The following ASNS variants were observed in gnomAD, a reference collection of about 807,000 sequenced individuals.
ASNS encodes the protein asparagine synthetase [glutamine-hydrolyzing].
Under a neutral mutation model 62.6 loss-of-function variants are expected in ASNS, and 37 were observed. That is an observed-to-expected ratio of 0.59 (90% CI 0.45 to 0.78). ASNS has a LOEUF of 0.78. Ranked by LOEUF, ASNS falls within the 30% of genes least tolerant of loss-of-function variation. The probability of loss-of-function intolerance (pLI) is 0.00; values close to 1 mark genes in which losing one functional copy is unlikely to be tolerated. For missense variants in ASNS, 520 were observed against 682.4 expected, an observed-to-expected ratio of 0.76 and a Z score of 2.65; for synonymous variants, 207 against 237.9, an observed-to-expected ratio of 0.87 and a Z score of 1.19.
At chr7:97,892,932 G>A in the ASNS span, among the ~76,000 whole-genome samples, 1 of 152,142 alleles carries the variant, frequency 6.6e-6, no homozygotes, top group Non-Finnish European at 1.5e-5. Context: ...CACATATTCA[G>A]GTATCTTTTA....
the ASNS span, among the ~76,000 whole-genome samples, chr7:97,893,003 G>A: frequency 6.6e-6 from 1 of 152,226 alleles, no homozygotes; most frequent in Non-Finnish European, 1.5e-5. Context: ...AGCTGATAAA[G>A]ACACATTCAA....
the ASNS span, among the ~76,000 whole-genome samples, chr7:97,897,780 T>C: frequency 1.3e-5 from 2 of 152,188 alleles, no homozygotes; most frequent in African/African-American, 4.8e-5. Flanking sequence ...AAGATATCAG[T>C]GTATCAACGG....
At chr7:97,858,556 G>A (rs1791568621) in intron 6 of ASNS, 151 bp from the exon 7 acceptor site, 3 of 1,001,542 alleles carry the variant, frequency 3.0e-6, no homozygotes, top group East Asian at 2.6e-5. Context: ...TTCAACAAGA[G>A]AAAAATATAT....
chr7:97,854,035 T>A (rs1321794163), intron 10 of ASNS, among the ~76,000 whole-genome samples: 1 of 152,312 alleles, frequency 6.6e-6, no homozygotes, highest in African/African-American at 2.4e-5. Flanking sequence ...ACAGTAAAAG[T>A]CTTCAGTTCT....
At chr7:97,882,196 A>G in the ASNS span, among the ~76,000 whole-genome samples, 1 of 152,144 alleles carries the variant, frequency 6.6e-6, no homozygotes, top group South Asian at 2.1e-4. Context: ...AGAAAATCCA[A>G]CCTTTTCCCA....
At chr7:97,870,679 G>A (rs1224337128) in intron 1 of ASNS, among the ~76,000 whole-genome samples, 3 of 152,176 alleles carry the variant, frequency 2.0e-5, no homozygotes, top group Non-Finnish European at 2.9e-5. Context: ...ATTTAAATGA[G>A]ATGACTACTA....
intron 1 of ASNS, 116 bp downstream of exon 1, chr7:97,872,235 G>C (rs7800135): frequency 0.1 from 15,347 of 152,032 alleles, 976 homozygotes; most frequent in African/African-American, 0.19. Flanking sequence ...AACCGCGTCT[G>C]CCGGGTGCCA....
At chr7:97,917,216 CAA>C in the ASNS span, among the ~76,000 whole-genome samples, 69,550 of 114,110 alleles carry the variant, frequency 0.61, 17,163 homozygotes, top group Admixed American at 0.69. Flanking sequence ...ATATTTGCAC[CAA>C]AAAAAAAAAA....
intron 6 of ASNS, 115 bp from the exon 7 acceptor site, chr7:97,858,520 G>A (rs756536266): frequency 4.6e-5 from 62 of 1,338,164 alleles, no homozygotes; most frequent in Middle Eastern, 2.0e-4. Flanking sequence ...TTTAAAATCC[G>A]CCAAGTTTTA....
chr7:97,875,133 G>C (rs1792411307), upstream of ASNS, among the ~76,000 whole-genome samples: 1 of 152,186 alleles, frequency 6.6e-6, no homozygotes, highest in Non-Finnish European at 1.5e-5. Flanking sequence ...AATCTCAGTG[G>C]CTCCATGCAG....
intron 3 of ASNS, among the ~76,000 whole-genome samples, chr7:97,865,017 G>A (rs1791898140): frequency 6.6e-6 from 1 of 152,084 alleles, no homozygotes; most frequent in Non-Finnish European, 1.5e-5. Flanking sequence ...AAATAATTTT[G>A]TGCATGAAAC....
chr7:97,910,094 G>A, the ASNS span, among the ~76,000 whole-genome samples: 1 of 152,252 alleles, frequency 6.6e-6, no homozygotes, highest in Admixed American at 6.5e-5. Context: ...TGAAGTTTCA[G>A]CAGAATAGCA....
In ASNS at chr7:97,852,292, C is replaced by A. The variant is rs1430382146; in HGVS notation, c.1653G>T (p.Thr551=). Residue 551 remains threonine, a synonymous_variant, in exon 13 of 13, where the codon ACG becomes ACT. Transcript: ENST00000394308. ...TGACAGCTGACTTGTAGTGGGTCAG[C>A]GTGCGGGCAGAAGGGTCAGTGGCAT... is the stretch of plus-strand genomic sequence containing the variant. ...WINATDPSAR[T]LTHYKSAVKA 1.2e-6 allele frequency: 2 copies of A among 1,614,110 alleles called. No individual in the cohort carries two copies. The highest frequency in any genetic ancestry group is 1.7e-6 in the Non-Finnish European group (2 of 1,180,022).
At position 97,860,993 on chromosome 7, in the gene ASNS, T is replaced by A. The variant is rs1791685972; in HGVS notation, c.488-1595A>T. ...TATAGTTTTAGCCCTTACATTTAAGTGGATTAGTTCAAAACTGATTCATTT... is the reference window on the plus strand; with the variant it reads ...TATAGTTTTAGCCCTTACATTTAAGAGGATTAGTTCAAAACTGATTCATTT... On this transcript the variant is annotated intron_variant, in intron 4 of 12. Transcript: ENST00000394308. Among the ~76,000 whole-genome samples, 3 of 151,570 alleles carry A rather than the reference T, an allele frequency of 2.0e-5. No individual in the cohort carries two copies. In the South Asian group the frequency reaches 6.2e-4, roughly 31 times the overall value.
chr7:97,890,503 T>C, the ASNS span, among the ~76,000 whole-genome samples: 3 of 152,042 alleles, frequency 2.0e-5, no homozygotes, highest in African/African-American at 7.2e-5. Context: ...CCTTACAGGC[T>C]AGGAGAAAAG....
At chr7:97,873,650 A>G (rs1562826801), upstream of ASNS, among the ~76,000 whole-genome samples, 1 of 152,206 alleles carries the variant, frequency 6.6e-6, no homozygotes, top group Non-Finnish European at 1.5e-5. Flanking sequence ...AGACTCAGAA[A>G]AGTTGAGGGA....
chr7:97,854,532 T>C (rs1791340878), intron 10 of ASNS, 48 bp downstream of exon 10: 5 of 1,587,520 alleles, frequency 3.1e-6, no homozygotes, highest in Middle Eastern at 2.1e-4. Context: ...TTGTTTTGTT[T>C]TTGGTGTTTT....
chr7:97,904,951 G>A, the ASNS span, among the ~76,000 whole-genome samples: 10 of 152,002 alleles, frequency 6.6e-5, no homozygotes, highest in Non-Finnish European at 1.5e-5. Flanking sequence ...GATGAAAACG[G>A]CCCCAAGAAC....
chr7:97,891,234 T>C, the ASNS span, among the ~76,000 whole-genome samples: 1 of 152,156 alleles, frequency 6.6e-6, no homozygotes, highest in African/African-American at 2.4e-5. Flanking sequence ...TTCAAAACCA[T>C]CACACCTTGT....
Sources: gnomAD v4.1 joint callset for allele counts (sites outside exome capture counted in the v4.1 genomes callset) on GRCh38, gnomAD v4.1.1 for gene constraint, MANE v1.5 for transcripts, NCBI Gene and HGNC (gene_info 2026-07-23, HGNC 2026-07-21) for gene names.